Variants in DGCR8 observed in about 807,000 individuals in gnomAD.
DGCR8 encodes microprocessor complex subunit DGCR8.
In DGCR8, 14 loss-of-function variants were observed where a neutral mutation model predicts 78.5. The observed-to-expected ratio is 0.18, with a 90% CI of 0.12 to 0.28. The LOEUF (loss-of-function observed/expected upper bound fraction) is 0.28, where lower values mean the gene tolerates loss of function less well. Among genes scored for constraint, DGCR8 ranks in the 10% least tolerant of loss-of-function variants. The pLI is 1.00. For synonymous variants in DGCR8, 399 were observed against 402.4 expected (o/e 0.99, Z 0.10); for missense variants, 702 against 1,022.5 (o/e 0.69, Z 4.28).
chr22:20,087,233 G>C lies in DGCR8; in HGVS notation c.792G>C (p.Glu264Asp). ...GTGCCCCCAAAAAGAGGCGAACAGA[G>C]GAAAAATATGGCGGAGACAGCGACC... is the stretch of plus-strand genomic sequence containing the variant. ...GLCAPKKRRT[E>D]EKYGGDSDHP... The change falls in exon 3 of 14, where the codon GAG becomes GAC. Residue 264 changes from glutamate to aspartate, a missense_variant. Physicochemically the swap from Glu to Asp is conservative, Grantham distance 45 (BLOSUM62 2). Around this residue, in one of 4 missense-constraint regions of DGCR8, gnomAD observed 356 missense variants for 448.9 expected, o/e 0.79. Transcript: ENST00000351989. The surrounding 1 kb of genome is among the most constrained non-coding windows in gnomAD (Gnocchi z 4.1). The C allele has an allele frequency of 1.2e-6, 2 of 1,614,130 alleles. No homozygotes were observed. Among genetic ancestry groups the C allele is most frequent in the Non-Finnish European group, 1.7e-6 (2 of 1,179,968 alleles).
At chr22:20,098,516 A>G (rs2049657455) in intron 9 of DGCR8, among the ~76,000 whole-genome samples, 1 of 152,192 alleles carries the variant, frequency 6.6e-6, no homozygotes, top group East Asian at 1.9e-4. Flanking sequence ...TGGAAATCAC[A>G]TTACCTCACC....
intron 3 of DGCR8, among the ~76,000 whole-genome samples, chr22:20,088,298 G>T (rs1315526607): frequency 6.6e-6 from 1 of 152,158 alleles, no homozygotes; most frequent in Non-Finnish European, 1.5e-5. Context: ...TCTTGACCTC[G>T]GGGCCTCTAG....
Position 20,086,785 on chromosome 22 carries a change from AAC to A in DGCR8, c.720+104_720+105del. The stretch of plus-strand genomic sequence containing the variant: ...AAGCAGGGAAATTAAAAAAAAAAAA[AAC>A]AAAAACCAAAATCCCCTCTGAGGTG... On this transcript the variant is annotated intron_variant, in intron 2 of 13. Transcript: ENST00000351989. This position sits in a 1 kb window ranked among gnomAD's most constrained non-coding sequence, Gnocchi z 6.4. The A allele has an allele frequency of 9.0e-6, 12 of 1,339,726 alleles. No homozygotes were observed. The highest frequency in any genetic ancestry group is 2.9e-5 in the African/African-American group (2 of 68,384). The allele number at this position is 1,339,726 out of a possible 1,614,324, so 83.0% of individuals were successfully genotyped here. A position where few individuals can be genotyped will look rare whatever the true frequency, so the allele number is the denominator to read the frequency against.
At chr22:20,094,818 G>A (rs760969777) in intron 9 of DGCR8, 23 bp downstream of exon 9, 1 of 1,608,962 alleles carries the variant, frequency 6.2e-7, no homozygotes, top group South Asian at 1.1e-5. Context: ...GTCCTGCCCT[G>A]CTGGGAGCTG....
In DGCR8 at chr22:20,111,706, G is replaced by GCCACC. The variant is rs2049850334; in HGVS notation, c.*1600_*1601insACCCC. ...TGCCATACTCTTGTGGTCTCTGTGC[G>GCCACC]CCCCCCCCCCCCCCCCACCCGTCTG... On this transcript the variant is annotated 3_prime_UTR_variant, in exon 14 of 14. Coordinates refer to ENST00000351989, the MANE Select transcript of DGCR8 (RefSeq NM_022720.7). 1.6e-5 allele frequency: 1 copy of GCCACC among 63,028 alleles called. No individual in the cohort carries two copies. Among genetic ancestry groups the GCCACC allele is most frequent in the African/African-American group, 8.7e-5 (1 of 11,454 alleles). 3.9% of individuals were successfully genotyped at this position (63,028 alleles called of 1,614,324 possible). A position where few individuals can be genotyped will look rare whatever the true frequency, so the allele number is the denominator to read the frequency against.
rs764572819 is a variant in DGCR8, at chr22:20,085,120, T to A, written c.-277-567T>A. ...CCTCTGGTGACCTCAGCACGCTGCA[T>A]CACTGTCCCCGTCCACGTGCTACCC... is the stretch of plus-strand genomic sequence containing the variant. On this transcript the variant is annotated intron_variant, in intron 1 of 13. Transcript: ENST00000351989. The surrounding 1 kb of genome is among the most constrained non-coding windows in gnomAD (Gnocchi z 6.2). 71 of 839,126 alleles carry A rather than the reference T, an allele frequency of 8.5e-5. No homozygotes were observed. Among genetic ancestry groups the A allele is most frequent in the Admixed American group, 1.2e-4 (2 of 16,024 alleles). 52.0% of individuals were successfully genotyped at this position (839,126 alleles called of 1,614,324 possible). A position where few individuals can be genotyped will look rare whatever the true frequency, so the allele number is the denominator to read the frequency against.
rs1008745006 is a variant in DGCR8 at position 20,086,890 on chromosome 22, T to C, written c.720+207T>C. On this transcript the variant is annotated intron_variant, in intron 2 of 13. Coordinates refer to ENST00000351989, the MANE Select transcript of DGCR8 (RefSeq NM_022720.7). This position sits in a 1 kb window ranked among gnomAD's most constrained non-coding sequence, Gnocchi z 6.4. ...GTTTCCTAATGAAAAGTTTGGCCCA[T>C]GGGTAGGCCCTGCATCCCTGATCTA... The C allele has an allele frequency of 2.6e-6, 2 of 782,094 alleles. No homozygotes were observed. Among genetic ancestry groups the C allele is most frequent in the South Asian group, 1.9e-5 (1 of 51,720 alleles). 48.4% of individuals were successfully genotyped at this position (782,094 alleles called of 1,614,324 possible).
At position 20,087,204 on chromosome 22, in the gene DGCR8, C is replaced by T. The variant is rs754951743; in HGVS notation, c.763C>T (p.Leu255Phe). ...TGTGGATGCTCTGCTGGAAGAAGGC[C>T]TTTGTGCCCCCAAAAAGAGGCGAAC... is the stretch of plus-strand genomic sequence containing the variant. ...NDVDALLEEGLCAPKKRRTEE... is the reference protein window; with the variant it reads ...NDVDALLEEGFCAPKKRRTEE... Residue 255 changes from leucine to phenylalanine, a missense_variant, in exon 3 of 14, where the codon CTT becomes TTT. Leu to Phe is a conservative substitution (Grantham distance 22). Coordinates refer to ENST00000351989, the MANE Select transcript of DGCR8 (RefSeq NM_022720.7). This position sits in a 1 kb window ranked among gnomAD's most constrained non-coding sequence, Gnocchi z 4.1. The T allele has an allele frequency of 2.3e-5, 37 of 1,613,678 alleles. No individual in the cohort carries two copies. The highest frequency in any genetic ancestry group is 3.1e-5 in the Non-Finnish European group (37 of 1,179,758).
intron 12 of DGCR8, chr22:20,107,901 G>A (rs1346251578): frequency 2.5e-5 from 4 of 159,698 alleles, no homozygotes; most frequent in African/African-American, 7.2e-5. Context: ...CCACTCCTGA[G>A]GGGTGGAGGG....
chr22:20,091,388 C>T (rs1241697415), intron 5 of DGCR8, 47 bp from the exon 6 acceptor site: 3 of 1,602,154 alleles, frequency 1.9e-6, no homozygotes, highest in South Asian at 1.1e-5. Flanking sequence ...AACCTGACTC[C>T]TATGTTGGAA....
chr22:20,100,534 G>A (rs2049685980), intron 9 of DGCR8: 1 of 981,868 alleles, frequency 1.0e-6, no homozygotes, highest in Non-Finnish European at 1.2e-6. Flanking sequence ...CTGCCTTCCT[G>A]TCTGAGTAAA....
chr22:20,085,891 A>G lies in DGCR8; in HGVS notation c.-73A>G, dbSNP rs1023804164. 2.0e-6 allele frequency: 3 copies of G among 1,504,336 alleles called. No homozygotes were observed. The highest frequency in any genetic ancestry group is 4.5e-5 in the Admixed American group (2 of 44,836). The allele number at this position is 1,504,336 out of a possible 1,614,324, so 93.2% of individuals were successfully genotyped here. A position where few individuals can be genotyped will look rare whatever the true frequency, so the allele number is the denominator to read the frequency against. On this transcript the variant is annotated 5_prime_UTR_variant, in exon 2 of 14. It removes an upstream start codon present in the reference 5' UTR. Transcript: ENST00000351989. This position sits in a 1 kb window ranked among gnomAD's most constrained non-coding sequence, Gnocchi z 6.2. Reference sequence around the variant, plus strand: ...CGCCCGGGTCTCAGCGGACTTGTGCATGTTAGCTGTGTAGATTTATGTGAG... The same window carrying G: ...CGCCCGGGTCTCAGCGGACTTGTGCGTGTTAGCTGTGTAGATTTATGTGAG...
At position 20,110,213 on chromosome 22, in the gene DGCR8, T is replaced by G; in HGVS notation, c.*105T>G. ...GTGTCAGGCCTCCAACCCACGCTCC[T>G]TCCCTGTGGCCAACCTGTGGGCCCG... On this transcript the variant is annotated 3_prime_UTR_variant, in exon 14 of 14. Coordinates refer to ENST00000351989, the MANE Select transcript of DGCR8 (RefSeq NM_022720.7). 2 of 1,207,714 alleles carry G rather than the reference T, an allele frequency of 1.7e-6. No individual in the cohort carries two copies. The highest frequency in any genetic ancestry group is 1.2e-6 in the Non-Finnish European group (1 of 849,580). 74.8% of individuals were successfully genotyped at this position (1,207,714 alleles called of 1,614,324 possible).
chr22:20,082,044 T>C (rs529536553), intron 1 of DGCR8, among the ~76,000 whole-genome samples: 4 of 147,064 alleles, frequency 2.7e-5, no homozygotes, highest in Admixed American at 2.7e-4. Context: ...GTGATTCTTC[T>C]TTCTTTCTTT....
chr22:20,106,996 G>A (rs975841801), intron 11 of DGCR8: 1 of 576,612 alleles, frequency 1.7e-6, no homozygotes, highest in Non-Finnish European at 3.1e-6. Context: ...CCTGTTTCTG[G>A]AGGTGTGCGT....
Position 20,110,260 on chromosome 22 carries a change from T to A in DGCR8, c.*152T>A. On this transcript the variant is annotated 3_prime_UTR_variant, in exon 14 of 14. Transcript: ENST00000351989. Reference sequence around the variant, plus strand: ...CCCGGCCTTAGGGTGGAGGCTTTAGTGTACAGGGACAGCCATGGCCACACA... The same window carrying A: ...CCCGGCCTTAGGGTGGAGGCTTTAGAGTACAGGGACAGCCATGGCCACACA... 2.8e-6 allele frequency: 2 copies of A among 709,686 alleles called. No individual in the cohort carries two copies. Among genetic ancestry groups the A allele is most frequent in the Non-Finnish European group, 4.7e-6 (2 of 428,088 alleles). 44.0% of individuals were successfully genotyped at this position (709,686 alleles called of 1,614,324 possible).
intron 5 of DGCR8, 36 bp downstream of exon 5, chr22:20,090,294 T>A (rs1275646179): frequency 6.4e-7 from 1 of 1,551,010 alleles, no homozygotes; most frequent in Non-Finnish European, 8.7e-7. Flanking sequence ...TCTTGCCTCC[T>A]GGGACCCATG....
chr22:20,090,204 G>C lies in DGCR8; in HGVS notation c.1252G>C (p.Gly418Arg). 8 of 1,612,796 alleles carry C rather than the reference G, an allele frequency of 5.0e-6. No individual in the cohort carries two copies. Among genetic ancestry groups the C allele is most frequent in the Non-Finnish European group, 6.8e-6 (8 of 1,179,670 alleles). Reference protein sequence around the residue: ...KDPLGAEAAPGALGQVKAKVE... With the variant: ...KDPLGAEAAPRALGQVKAKVE... ...CCCACTAGGGGCTGAGGCAGCCCCT[G>C]GGGCCCTGGGGCAGGTGAAGGCCAA... The change falls in exon 5 of 14, where the codon GGG (glycine) becomes CGG (arginine). Residue 418 changes from glycine to arginine, a missense_variant. By Grantham distance (125) the Gly-to-Arg change is moderately radical (BLOSUM62 -2). This residue lies in a region of DGCR8 where 119 missense variants were observed against 126.1 expected (regional missense o/e 0.94). Transcript: ENST00000351989.
rs758488662 is a variant in DGCR8, at chr22:20,107,437, G to T, written c.2124+39G>T. On this transcript the variant is annotated intron_variant, in intron 12 of 13. Coordinates refer to ENST00000351989, the MANE Select transcript of DGCR8 (RefSeq NM_022720.7). ...AGCAGGTCCCAGGGCAGCCTGTGCT[G>T]CCACCCTGGAGCGTATTCCTGAGGC... 1.9e-6 allele frequency: 3 copies of T among 1,612,504 alleles called. No homozygotes were observed. The South Asian group carries it at 3.3e-5, about 18-fold the overall frequency.
Sources: allele counts gnomAD v4.1 joint callset (sites outside exome capture counted in the v4.1 genomes callset), GRCh38; gene constraint gnomAD v4.1.1; regional missense constraint gnomAD v4.1.1; non-coding constraint Gnocchi (gnomAD v3.1); transcripts MANE v1.5; gene names NCBI Gene and HGNC (gene_info 2026-07-23, HGNC 2026-07-21).